Variants in EFCAB12 observed in about 807,000 individuals in gnomAD.
EFCAB12 encodes the protein EF-hand calcium-binding domain-containing protein 12.
A neutral mutation model predicts 53.6 loss-of-function variants in EFCAB12; 43 were observed. The observed-to-expected ratio is 0.80, with a 90% confidence interval of 0.63 to 1.03. The LOEUF (loss-of-function observed/expected upper bound fraction) is 1.03, where lower values mean the gene tolerates loss of function less well. EFCAB12 is among the 50% of genes least tolerant of loss of function. The probability of loss-of-function intolerance (pLI) is 0.00; values close to 1 mark genes in which losing one functional copy is unlikely to be tolerated. For missense variants in EFCAB12, 646 were observed against 730.6 expected (o/e 0.88, Z 1.34); for synonymous variants, 269 against 289.2 (o/e 0.93, Z 0.71).
chr3:129,401,738 C>A lies in EFCAB12; in HGVS notation c.1574G>T (p.Arg525Leu). ...AACACAACTGAAGAGCGCCAGGCTC[C>A]GGTCTGTGGCCACAGTGGGCAGGTA... ...QLYLPTVATD[R>L]SLALFSCVQH... The change falls in exon 9 of 9, where the codon CGG (arginine) becomes CTG (leucine). Residue 525 changes from arginine to leucine, a missense_variant. Transcript: ENST00000505956. 6.2e-7 allele frequency: 1 copy of A among 1,603,190 alleles called. No homozygotes were observed. Among genetic ancestry groups the A allele is most frequent in the Non-Finnish European group, 8.5e-7 (1 of 1,174,828 alleles).
intron 3 of EFCAB12, among the ~76,000 whole-genome samples, chr3:129,416,936 G>A (rs889959932): frequency 2.0e-5 from 3 of 152,166 alleles, no homozygotes; most frequent in South Asian, 2.1e-4. Flanking sequence ...TTACAGGCAT[G>A]AGCCAGCATG....
At chr3:129,424,760 G>A (rs28465429) in intron 1 of EFCAB12, among the ~76,000 whole-genome samples, 3,307 of 152,290 alleles carry the variant, frequency 0.022, 100 homozygotes, top group African/African-American at 0.071. Context: ...TATTTATTGA[G>A]AATCCCCCAG....
At position 129,411,248 on chromosome 3, in the gene EFCAB12, T is replaced by A; in HGVS notation, c.945A>T (p.Ala315=). The change falls in exon 5 of 9, where the codon GCA becomes GCT. Residue 315 remains alanine, a synonymous_variant. Coordinates refer to ENST00000505956, the MANE Select transcript of EFCAB12 (RefSeq NM_207307.3). The part of the protein sequence containing the change: ...LPKVDLLTVP[A]VDTQMETRPM... ...GCCGCGTCTCCATCTGCGTGTCGACTGCAGGCACCGTCAGTAGGTCCACTT... is the reference window on the plus strand; with the variant it reads ...GCCGCGTCTCCATCTGCGTGTCGACAGCAGGCACCGTCAGTAGGTCCACTT... The A allele has an allele frequency of 6.2e-7, 1 of 1,613,918 alleles. No homozygotes were observed. The highest frequency in any genetic ancestry group is 8.5e-7 in the Non-Finnish European group (1 of 1,179,840).
rs768751426 is a variant in EFCAB12, at chr3:129,401,804, T to C, written c.1508A>G (p.Asn503Ser). ...CAGAAGATGACCCGGCCAGAAGGAATTGGGGTGTGTTTGCTGCAGACCACT... is the reference window on the plus strand; with the variant it reads ...CAGAAGATGACCCGGCCAGAAGGAACTGGGGTGTGTTTGCTGCAGACCACT... Reference protein sequence around the residue: ...RSSGLQQTHPNSFWPGHLLDK... With the variant: ...RSSGLQQTHPSSFWPGHLLDK... The change falls in exon 9 of 9, where the codon AAT becomes AGT. Residue 503 changes from asparagine (N) to serine (S), a missense_variant. Transcript: ENST00000505956. The C allele has an allele frequency of 6.2e-6, 10 of 1,613,062 alleles. No individual in the cohort carries two copies. In the South Asian group the frequency reaches 6.6e-5, roughly 11 times the overall value.
chr3:129,412,722 GA>G (rs2072061696), intron 4 of EFCAB12: 1 of 152,348 alleles, frequency 6.6e-6, no homozygotes, highest in South Asian at 2.1e-4. Context: ...TATCTGCCTA[GA>G]TTGTGCTTCC....
Position 129,401,666 on chromosome 3 carries a change from C to T in EFCAB12, c.1646G>A (p.Trp549Ter). Residue 549 changes from tryptophan (W) to a stop codon, truncating the protein, a stop_gained, in exon 9 of 9, where the codon TGG (tryptophan) becomes TAG (stop). Transcript: ENST00000505956. LOFTEE classifies it high-confidence loss of function. Reference sequence around the variant, plus strand: ...GTAGTTCTTGTTCCTAAGGGGCCACCAGTGGTCAGGGTGGTAGGTGGCTGG... The same window carrying T: ...GTAGTTCTTGTTCCTAAGGGGCCACTAGTGGTCAGGGTGGTAGGTGGCTGG... ...VYPATYHPDHWWPLRNKNYMT... is the reference protein window; with the variant it reads ...VYPATYHPDH The T allele has an allele frequency of 6.3e-7, 1 of 1,588,424 alleles. No homozygotes were observed. The highest frequency in any genetic ancestry group is 8.6e-7 in the Non-Finnish European group (1 of 1,167,342).
At chr3:129,425,770 C>T (rs1431249973) in intron 1 of EFCAB12, among the ~76,000 whole-genome samples, 1 of 152,208 alleles carries the variant, frequency 6.6e-6, no homozygotes, top group Non-Finnish European at 1.5e-5. Flanking sequence ...GCAAGGAAAG[C>T]TCTCAGACGC....
rs143690542 is a variant in EFCAB12 at position 129,421,524 on chromosome 3, G to A, written c.329C>T (p.Ser110Leu). 31 of 1,613,988 alleles carry A rather than the reference G, an allele frequency of 1.9e-5. No homozygotes were observed. In the African/African-American group the frequency reaches 2.8e-4, roughly 15 times the overall value. Residue 110 changes from serine to leucine, a missense_variant, in exon 2 of 9, where the codon TCG (serine) becomes TTG (leucine). By Grantham distance (145) the Ser-to-Leu change is moderately radical (BLOSUM62 -2). Transcript: ENST00000505956. ...GGACTCTAGCTCCTGCCGCAGCTTC[G>A]ACCTCTGGCTCAGCCAGGTCTTCCT... Reference protein sequence around the residue: ...EDRKTWLSQRSKLRQELESFG... With the variant: ...EDRKTWLSQRLKLRQELESFG...
chr3:129,408,132 T>C (rs9819814), intron 6 of EFCAB12, among the ~76,000 whole-genome samples: 9,511 of 152,144 alleles, frequency 0.063, 934 homozygotes, highest in East Asian at 0.44. Flanking sequence ...TGAGTCTGAG[T>C]GCTCTCTGCT....
At chr3:129,424,718 A>G (rs2072250902) in intron 1 of EFCAB12, among the ~76,000 whole-genome samples, 1 of 152,250 alleles carries the variant, frequency 6.6e-6, no homozygotes, top group Admixed American at 6.5e-5. Flanking sequence ...CCAGCAGGGG[A>G]TGACTGAGAA....
At chr3:129,423,735 C>T (rs960640618) in intron 1 of EFCAB12, among the ~76,000 whole-genome samples, 1 of 152,208 alleles carries the variant, frequency 6.6e-6, no homozygotes, top group African/African-American at 2.4e-5. Context: ...TCCATGGCTC[C>T]TAACTGCCTC....
At chr3:129,408,157 A>G (rs1006205109) in intron 6 of EFCAB12, among the ~76,000 whole-genome samples, 3 of 152,232 alleles carry the variant, frequency 2.0e-5, no homozygotes, top group Admixed American at 2.0e-4. Context: ...GGGCTTTAGC[A>G]GGTCCTGTCT....
Position 129,418,341 on chromosome 3 carries a change from C to T in EFCAB12, c.594G>A (p.Lys198=). 6.2e-7 allele frequency: 1 copy of T among 1,613,922 alleles called. No individual in the cohort carries two copies. Reference sequence around the variant, plus strand: ...TGTGAAATATCTCCAGGATCTTGATCTTGCGGCTATGCAGGTAGGAGTACA... The same window carrying T: ...TGTGAAATATCTCCAGGATCTTGATTTTGCGGCTATGCAGGTAGGAGTACA... ...SVMYSYLHSR[K]IKILEIFHKV... is the part of the protein sequence containing the mutation. The change falls in exon 3 of 9, where the codon AAG becomes AAA. Residue 198 remains lysine (K), a synonymous_variant. Coordinates refer to ENST00000505956, the MANE Select transcript of EFCAB12 (RefSeq NM_207307.3).
At chr3:129,416,405 G>A (rs962582450) in intron 3 of EFCAB12, among the ~76,000 whole-genome samples, 1 of 150,788 alleles carries the variant, frequency 6.6e-6, no homozygotes, top group Non-Finnish European at 1.5e-5. Flanking sequence ...TGACAAGAAC[G>A]AAGCTCCGTC....
At chr3:129,410,384 T>C (rs1311993564) in intron 5 of EFCAB12, among the ~76,000 whole-genome samples, 1 of 151,772 alleles carries the variant, frequency 6.6e-6, no homozygotes, top group Non-Finnish European at 1.5e-5. Flanking sequence ...TGGTGCGATC[T>C]TAGCTCACTT....
At chr3:129,402,660 A>G (rs1195559329) in intron 7 of EFCAB12, 81 bp from the exon 8 acceptor site, 7 of 1,361,698 alleles carry the variant, frequency 5.1e-6, no homozygotes, top group Non-Finnish European at 7.1e-6. Flanking sequence ...TCAGGGCCGC[A>G]GGGGTGGACC....
At chr3:129,415,569 T>C (rs2072105458) in intron 3 of EFCAB12, among the ~76,000 whole-genome samples, 168 bp from the exon 4 acceptor site, 1 of 152,154 alleles carries the variant, frequency 6.6e-6, no homozygotes, top group South Asian at 2.1e-4. Flanking sequence ...CCTTTCCCGG[T>C]CCTTGAATGA....
At chr3:129,416,976 T>C (rs762890319) in intron 3 of EFCAB12, among the ~76,000 whole-genome samples, 4 of 152,010 alleles carry the variant, frequency 2.6e-5, no homozygotes, top group Non-Finnish European at 5.9e-5. Context: ...ATTCAAAATG[T>C]ATAAAAACGT....
chr3:129,401,365 G>T lies in EFCAB12; in HGVS notation c.*228C>A. On this transcript the variant is annotated 3_prime_UTR_variant, in exon 9 of 9. Transcript: ENST00000505956. ...ACCTGCTTTATGTAGAAAGGGCAGA[G>T]GTCAGGGGAGGGAAATAGTCAAAAA... The T allele has an allele frequency of 2.0e-6, 1 of 511,512 alleles. No homozygotes were observed. Among genetic ancestry groups the T allele is most frequent in the Non-Finnish European group, 3.3e-6 (1 of 301,914 alleles). The allele number at this position is 511,512 out of a possible 1,614,324, so 31.7% of individuals were successfully genotyped here.
Sources: gnomAD v4.1 joint callset for allele counts (sites outside exome capture counted in the v4.1 genomes callset) on GRCh38, gnomAD v4.1.1 for gene constraint, MANE v1.5 for transcripts, NCBI Gene and HGNC (gene_info 2026-07-23, HGNC 2026-07-21) for gene names.